EGFR: variants seen among roughly 807,000 people sequenced by gnomAD.
The protein encoded by EGFR is epidermal growth factor receptor.
EGFR carries 58 observed loss-of-function variants against 143.0 expected under a neutral mutation model. The ratio of observed to expected loss-of-function variants is 0.41; its 90% CI spans 0.33 to 0.50. EGFR has a LOEUF of 0.50. Among genes scored for constraint, EGFR ranks in the 20% least tolerant of loss-of-function variants. EGFR has a pLI of 0.39. For missense variants in EGFR, 1,307 were observed against 1,579.0 expected (o/e 0.83, Z 2.92); for synonymous variants, 613 against 594.4 (o/e 1.03, Z -0.45).
At chr7:55,140,265 A>C (rs1474182895) in intron 1 of EGFR, among the ~76,000 whole-genome samples, 1 of 152,130 alleles carries the variant, frequency 6.6e-6, no homozygotes, top group East Asian at 1.9e-4. Context: ...TGATTATTTA[A>C]AATGAAAGCA....
chr7:55,119,894 C>T (rs1015844497), intron 1 of EGFR, among the ~76,000 whole-genome samples: 1 of 152,332 alleles, frequency 6.6e-6, no homozygotes, highest in Non-Finnish European at 1.5e-5. Context: ...GTTAGAGATG[C>T]AGTTGGCCAG....
chr7:55,172,115 G>A (rs1221164206), intron 16 of EGFR, among the ~76,000 whole-genome samples: 2 of 152,152 alleles, frequency 1.3e-5, no homozygotes, highest in Non-Finnish European at 2.9e-5. Flanking sequence ...CAATCTCAGG[G>A]ATCTTAGTCA....
chr7:55,191,452 G>A (rs531573421), intron 20 of EGFR, among the ~76,000 whole-genome samples: 1 of 152,088 alleles, frequency 6.6e-6, no homozygotes, highest in Non-Finnish European at 1.5e-5. Context: ...GGGCAGCAGA[G>A]CTCCTGCTCT....
At chr7:55,194,493 A>G (rs1226928550) in intron 22 of EGFR, among the ~76,000 whole-genome samples, 2 of 151,992 alleles carry the variant, frequency 1.3e-5, no homozygotes, top group South Asian at 2.1e-4. Context: ...CCCAAAGTGC[A>G]TATTTTTTAA....
intron 3 of EGFR, among the ~76,000 whole-genome samples, chr7:55,146,293 G>A (rs1218409451): frequency 6.6e-6 from 1 of 151,906 alleles, no homozygotes; most frequent in Non-Finnish European, 1.5e-5. Context: ...AGCCCCTTGG[G>A]ACCCAGCTTA....
intron 1 of EGFR, among the ~76,000 whole-genome samples, chr7:55,136,643 C>T (rs529930068): frequency 1.2e-4 from 18 of 152,280 alleles, no homozygotes; most frequent in Non-Finnish European, 1.8e-4. Flanking sequence ...TTTGACTTTA[C>T]GATGGTGTGA....
chr7:55,088,465 A>C (rs1013602339), intron 1 of EGFR, among the ~76,000 whole-genome samples: 1 of 152,220 alleles, frequency 6.6e-6, no homozygotes, highest in South Asian at 2.1e-4. Context: ...CCCTGGTCAC[A>C]CTTCTGGTTG....
chr7:55,069,340 C>G (rs1011764326), intron 1 of EGFR, among the ~76,000 whole-genome samples: 1 of 152,104 alleles, frequency 6.6e-6, no homozygotes. Context: ...CTTTTTAGCT[C>G]GTGTGGTGAT....
In EGFR at chr7:55,085,150, GA is replaced by G. The variant is rs1007514235; in HGVS notation, c.89-57127del. Reference sequence around the variant, plus strand: ...TACAGGACAACAGTCAGCCTGGCTAGAAAAAAAAACAATGTCACAGGCATGT... The same window carrying G: ...TACAGGACAACAGTCAGCCTGGCTAGAAAAAAAACAATGTCACAGGCATGT... On this transcript the variant is annotated intron_variant, in intron 1 of 27. Transcript: ENST00000275493. Among the ~76,000 whole-genome samples, 7 of 150,910 alleles carry G rather than the reference GA, an allele frequency of 4.6e-5. No individual in the cohort carries two copies. In the South Asian group the frequency reaches 1.1e-3, roughly 23 times the overall value.
intron 18 of EGFR, 80 bp from the exon 19 acceptor site, chr7:55,174,642 A>G (rs992323341): frequency 8.2e-7 from 1 of 1,212,612 alleles, no homozygotes; most frequent in Non-Finnish European, 1.2e-6. Flanking sequence ...ATCGCTGGTA[A>G]CATCCACCCA....
At chr7:55,166,851 G>C (rs1489920857) in intron 15 of EGFR, among the ~76,000 whole-genome samples, 1 of 85,922 alleles carries the variant, frequency 1.2e-5, no homozygotes. Flanking sequence ...GTGGTGAGGA[G>C]GTGGGAGTCA....
chr7:55,122,919 T>A (rs1793295501), intron 1 of EGFR, among the ~76,000 whole-genome samples: 1 of 152,268 alleles, frequency 6.6e-6, no homozygotes, highest in Admixed American at 6.5e-5. Flanking sequence ...GCGTGCAGTG[T>A]CTTGTATTCA....
chr7:55,021,186 G>A (rs912886615), intron 1 of EGFR, among the ~76,000 whole-genome samples: 4 of 152,208 alleles, frequency 2.6e-5, no homozygotes. Flanking sequence ...GCTTTTCATT[G>A]AAGGAACTGG....
At chr7:55,131,074 T>C (rs1053356335) in intron 1 of EGFR, among the ~76,000 whole-genome samples, 12 of 152,166 alleles carry the variant, frequency 7.9e-5, no homozygotes, top group African/African-American at 2.2e-4. Flanking sequence ...CCCCTCTCAC[T>C]TCCCTCCCAG....
At chr7:55,147,735 C>G (rs976402288) in intron 4 of EGFR, among the ~76,000 whole-genome samples, 4 of 152,190 alleles carry the variant, frequency 2.6e-5, no homozygotes, top group Non-Finnish European at 5.9e-5. Context: ...ACTCTTTTAT[C>G]TTGCAAAGCT....
At chr7:55,157,062 C>T (rs937215538) in intron 10 of EGFR, 1 of 1,081,652 alleles carries the variant, frequency 9.2e-7, no homozygotes, top group African/African-American at 1.6e-5. Context: ...CTTTCTCCCT[C>T]CCGCCCGGCC....
chr7:55,172,513 C>T (rs187795716), intron 16 of EGFR, among the ~76,000 whole-genome samples: 5 of 152,296 alleles, frequency 3.3e-5, no homozygotes, highest in Admixed American at 3.3e-4. Flanking sequence ...AAGCCAAGGA[C>T]CCAGAGGAGT....
chr7:55,054,901 T>C (rs1445655567), intron 1 of EGFR, among the ~76,000 whole-genome samples: 1 of 152,202 alleles, frequency 6.6e-6, no homozygotes, highest in Non-Finnish European at 1.5e-5. Flanking sequence ...CCCAGCCTCG[T>C]TGCGCACCCA....
At chr7:55,198,612 T>C (rs1787718891) in intron 22 of EGFR, 105 bp from the exon 23 acceptor site, 3 of 1,561,158 alleles carry the variant, frequency 1.9e-6, no homozygotes, top group East Asian at 2.2e-5. Flanking sequence ...GAAATGTAGG[T>C]TTCTAAACAT....
Sources: gnomAD v4.1 joint callset for allele counts (sites outside exome capture counted in the v4.1 genomes callset) on GRCh38, gnomAD v4.1.1 for gene constraint, MANE v1.5 for transcripts, NCBI Gene and HGNC (gene_info 2026-07-23, HGNC 2026-07-21) for gene names.